Variants in SIAH2 observed in about 807,000 individuals in gnomAD.
The protein encoded by SIAH2 is E3 ubiquitin-protein ligase SIAH2.
SIAH2 carries 4 observed loss-of-function variants against 20.4 expected under a neutral mutation model. That is an observed-to-expected ratio of 0.20 (90% CI 0.10 to 0.45). SIAH2 has a LOEUF of 0.45. Among genes scored for constraint, SIAH2 ranks in the 20% least tolerant of loss-of-function variants. The pLI, the probability that SIAH2 is intolerant of heterozygous loss-of-function variation, is 0.99. For missense variants in SIAH2, 259 were observed against 440.3 expected, an observed-to-expected ratio of 0.59 and a Z score of 3.69; for synonymous variants, 171 against 192.5, an observed-to-expected ratio of 0.89 and a Z score of 0.93.
At chr3:150,753,517 C>T (rs1179722486) in intron 1 of SIAH2, among the ~76,000 whole-genome samples, 1 of 152,200 alleles carries the variant, frequency 6.6e-6, no homozygotes, top group African/African-American at 2.4e-5. Context: ...ATTTCTCAGG[C>T]CGGGTGTGGC....
In SIAH2 at chr3:150,753,279, C is replaced by T. The variant is rs780355592; in HGVS notation, c.417+9154G>A. 7.6e-4 allele frequency among the ~76,000 whole-genome samples: 115 copies of T among 152,260 alleles called. 1 individual carries two copies. Among genetic ancestry groups the T allele is most frequent in the Non-Finnish European group, 8.7e-4 (59 of 68,022 alleles). On this transcript the variant is annotated intron_variant, in intron 1 of 1. Transcript: ENST00000312960. ...CAGATGGGTTGTGGGAAGGAGAGGG[C>T]CTGGAACTGCAGGAGATTCCAAGGC...
At chr3:150,749,388 C>T (rs959421653) in intron 1 of SIAH2, among the ~76,000 whole-genome samples, 2 of 151,896 alleles carry the variant, frequency 1.3e-5, no homozygotes, top group African/African-American at 4.8e-5. Flanking sequence ...ACGTGTAGTC[C>T]CGGCTACTAG....
rs1407553662 is a variant in SIAH2 at position 150,763,070 on chromosome 3, C to T, written c.-221G>A. On this transcript the variant is annotated 5_prime_UTR_variant, in exon 1 of 2. Transcript: ENST00000312960. This position sits in a 1 kb window ranked among gnomAD's most constrained non-coding sequence, Gnocchi z 4.1. ...TTCCGAGCACGCCTCCGCGTCGGAC[C>T]CCGCGCGGTGCCCTCCTCCCGGCGG... is the stretch of plus-strand genomic sequence containing the variant. The T allele has an allele frequency of 1.4e-5, 4 of 293,642 alleles. No homozygotes were observed. Among genetic ancestry groups the T allele is most frequent in the Non-Finnish European group, 2.1e-5 (4 of 190,068 alleles). The allele number at this position is 293,642 out of a possible 1,614,324, so 18.2% of individuals were successfully genotyped here.
At position 150,742,030 on chromosome 3, in the gene SIAH2, G is replaced by A. The variant is rs1714097869; in HGVS notation, c.*111C>T. On this transcript the variant is annotated 3_prime_UTR_variant, in exon 2 of 2. Coordinates refer to ENST00000312960, the MANE Select transcript of SIAH2 (RefSeq NM_005067.7). This position sits in a 1 kb window ranked among gnomAD's most constrained non-coding sequence, Gnocchi z 4.8. ...ACACTGCTGTTCAAACAAAACACGGGTAATTGTGGGTCCTGACTTGTGAAG... is the reference window on the plus strand; with the variant it reads ...ACACTGCTGTTCAAACAAAACACGGATAATTGTGGGTCCTGACTTGTGAAG... 74 of 1,056,384 alleles carry A rather than the reference G, an allele frequency of 7.0e-5. 1 individual carries two copies. The South Asian group carries it at 1.2e-3, about 18-fold the overall frequency. The allele number at this position is 1,056,384 out of a possible 1,614,324, so 65.4% of individuals were successfully genotyped here. A position where few individuals can be genotyped will look rare whatever the true frequency, so the allele number is the denominator to read the frequency against.
At chr3:150,759,693 GA>G (rs762193625) in intron 1 of SIAH2, among the ~76,000 whole-genome samples, 4,878 of 140,378 alleles carry the variant, frequency 0.035, 228 homozygotes, top group African/African-American at 0.12. Context: ...TTCCTCATCT[GA>G]AAAAAAAAAA....
intron 1 of SIAH2, among the ~76,000 whole-genome samples, chr3:150,752,899 C>T (rs1714401877): frequency 6.6e-6 from 1 of 152,170 alleles, no homozygotes; most frequent in South Asian, 2.1e-4. Flanking sequence ...GAAAAAGACA[C>T]TGTATATGTA....
At chr3:150,745,742 G>T (rs982699624) in intron 1 of SIAH2, among the ~76,000 whole-genome samples, 1 of 152,016 alleles carries the variant, frequency 6.6e-6, no homozygotes, top group African/African-American at 2.4e-5. Context: ...TGATCCACCC[G>T]CCACGGCCTC....
At position 150,742,479 on chromosome 3, in the gene SIAH2, G is replaced by T. The variant is rs1428704828; in HGVS notation, c.637C>A (p.Pro213Thr). The change falls in exon 2 of 2, where the codon CCA becomes ACA. Residue 213 changes from proline (P) to threonine (T), a missense_variant. Around this residue, in one of 2 missense-constraint regions of SIAH2, gnomAD observed 160 missense variants for 327.6 expected, o/e 0.49. Coordinates refer to ENST00000312960, the MANE Select transcript of SIAH2 (RefSeq NM_005067.7). This position sits in a 1 kb window ranked among gnomAD's most constrained non-coding sequence, Gnocchi z 4.8. ...IVFLATDINL[P>T]GAVDWVMMQS... ...ATCATCACCCAGTCGACAGCCCCTG[G>T]CAAGTTAATGTCTGTAGCTAGAAAG... is the stretch of plus-strand genomic sequence containing the variant. The T allele has an allele frequency of 1.9e-6, 3 of 1,614,140 alleles. No individual in the cohort carries two copies. Among genetic ancestry groups the T allele is most frequent in the Non-Finnish European group, 8.5e-7 (1 of 1,180,018 alleles).
In SIAH2 at chr3:150,763,049, G is replaced by A. The variant is rs1714663788; in HGVS notation, c.-200C>T. Reference sequence around the variant, plus strand: ...TGCACTCCGCAGCCCCCGGCGTTCCGAGCACGCCTCCGCGTCGGACCCCGC... The same window carrying A: ...TGCACTCCGCAGCCCCCGGCGTTCCAAGCACGCCTCCGCGTCGGACCCCGC... On this transcript the variant is annotated 5_prime_UTR_variant, in exon 1 of 2. Coordinates refer to ENST00000312960, the MANE Select transcript of SIAH2 (RefSeq NM_005067.7). The surrounding 1 kb of genome is among the most constrained non-coding windows in gnomAD (Gnocchi z 4.1). 2.3e-6 allele frequency: 1 copy of A among 432,562 alleles called. No individual in the cohort carries two copies. Among genetic ancestry groups the A allele is most frequent in the Non-Finnish European group, 3.2e-6 (1 of 313,200 alleles). The allele number at this position is 432,562 out of a possible 1,614,324, so 26.8% of individuals were successfully genotyped here.
At position 150,762,574 on chromosome 3, in the gene SIAH2, C is replaced by T; in HGVS notation, c.276G>A (p.Leu92=). 6.2e-7 allele frequency: 1 copy of T among 1,613,358 alleles called. No individual in the cohort carries two copies. Among genetic ancestry groups the T allele is most frequent in the Non-Finnish European group, 8.5e-7 (1 of 1,179,892 alleles). ...VCFDYVLPPI[L]QCQAGHLVCN... is the part of the protein sequence containing the mutation. ...ACACCAGGTGCCCGGCCTGGCACTG[C>T]AGAATAGGAGGCAGGACATAGTCAA... Residue 92 remains leucine, a synonymous_variant, in exon 1 of 2, where the codon CTG becomes CTA. Transcript: ENST00000312960. The surrounding 1 kb of genome is among the most constrained non-coding windows in gnomAD (Gnocchi z 6.6).
At chr3:150,747,964 CAAAAAAAAAA>C (rs58478348) in intron 1 of SIAH2, among the ~76,000 whole-genome samples, 1 of 56,700 alleles carries the variant, frequency 1.8e-5, no homozygotes, top group African/African-American at 6.0e-5. Context: ...AACGCCATCT[CAAAAAAAAAA>C]AAAAAAAAAA....
chr3:150,756,065 A>G (rs1714480328), intron 1 of SIAH2, among the ~76,000 whole-genome samples: 1 of 152,232 alleles, frequency 6.6e-6, no homozygotes, highest in South Asian at 2.1e-4. Flanking sequence ...ATCTTTACCA[A>G]ACTGGAAATG....
chr3:150,753,386 T>C (rs1002949775), intron 1 of SIAH2, among the ~76,000 whole-genome samples: 8 of 152,208 alleles, frequency 5.3e-5, no homozygotes, highest in Non-Finnish European at 1.0e-4. Flanking sequence ...AAAAGCAGGC[T>C]GTGGCATTAA....
intron 1 of SIAH2, among the ~76,000 whole-genome samples, chr3:150,758,553 C>T (rs559626905): frequency 6.0e-5 from 9 of 149,600 alleles, no homozygotes; most frequent in African/African-American, 2.2e-4. Flanking sequence ...GAAAGCCATA[C>T]ACTATTAGAC....
At chr3:150,744,597 G>A (rs1714169007) in intron 1 of SIAH2, among the ~76,000 whole-genome samples, 1 of 152,008 alleles carries the variant, frequency 6.6e-6, no homozygotes, top group Non-Finnish European at 1.5e-5. Flanking sequence ...GTGAGTGATG[G>A]GTGAGACATT....
At chr3:150,748,105 G>A (rs963067982) in intron 1 of SIAH2, among the ~76,000 whole-genome samples, 6 of 151,972 alleles carry the variant, frequency 3.9e-5, no homozygotes, top group Non-Finnish European at 8.8e-5. Context: ...GTGCAGATGT[G>A]TTCTGCCATT....
intron 1 of SIAH2, among the ~76,000 whole-genome samples, chr3:150,751,489 T>C (rs962977427): frequency 3.3e-5 from 5 of 152,078 alleles, no homozygotes; most frequent in African/African-American, 9.6e-5. Flanking sequence ...CAGACAGTGA[T>C]AGGAGAAGAC....
Position 150,763,024 on chromosome 3 carries a change from T to G in SIAH2, c.-175A>C. 1 of 609,900 alleles carries G rather than the reference T, an allele frequency of 1.6e-6. No individual in the cohort carries two copies. Among genetic ancestry groups the G allele is most frequent in the East Asian group, 8.6e-5 (1 of 11,658 alleles). 37.8% of individuals were successfully genotyped at this position (609,900 alleles called of 1,614,324 possible). On this transcript the variant is annotated 5_prime_UTR_variant, in exon 1 of 2. Transcript: ENST00000312960. The surrounding 1 kb of genome is among the most constrained non-coding windows in gnomAD (Gnocchi z 4.1). ...CAGGCGGAGGGCTGGACCGCGCTGA[T>G]GCACTCCGCAGCCCCCGGCGTTCCG... is the stretch of plus-strand genomic sequence containing the variant.
At chr3:150,751,262 T>C (rs543978563) in intron 1 of SIAH2, among the ~76,000 whole-genome samples, 2 of 152,118 alleles carry the variant, frequency 1.3e-5, no homozygotes, top group Admixed American at 1.3e-4. Flanking sequence ...TGAAACCCCA[T>C]CTCTACTACA....
Sources: gnomAD v4.1 joint callset for allele counts (sites outside exome capture counted in the v4.1 genomes callset) on GRCh38, gnomAD v4.1.1 for gene constraint, gnomAD v4.1.1 regional missense constraint, Gnocchi (gnomAD v3.1) non-coding constraint, MANE v1.5 for transcripts, NCBI Gene and HGNC (gene_info 2026-07-23, HGNC 2026-07-21) for gene names.